The following CDKAL1 variants were observed in gnomAD, a reference collection of about 807,000 sequenced individuals.
CDKAL1 encodes the protein threonylcarbamoyladenosine tRNA methylthiotransferase.
Under a neutral mutation model 68.2 loss-of-function variants are expected in CDKAL1, and 32 were observed. That is an observed-to-expected ratio of 0.47 (90% CI 0.35 to 0.63). The LOEUF (loss-of-function observed/expected upper bound fraction) is 0.63. Among genes scored for constraint, CDKAL1 ranks in the 30% least tolerant of loss-of-function variants. The pLI, the probability that CDKAL1 is intolerant of heterozygous loss-of-function variation, is 0.00. For missense variants in CDKAL1, 606 were observed against 696.7 expected, an observed-to-expected ratio of 0.87 and a Z score of 1.47; for synonymous variants, 234 against 244.3, an observed-to-expected ratio of 0.96 and a Z score of 0.39.
chr6:20,997,602 A>G (rs1767188992), intron 10 of CDKAL1, among the ~76,000 whole-genome samples: 1 of 152,190 alleles, frequency 6.6e-6, no homozygotes, highest in African/African-American at 2.4e-5. Context: ...TTTAATTTGT[A>G]AATTGGCATA....
At chr6:20,755,549 G>A (rs777429283) in intron 6 of CDKAL1, among the ~76,000 whole-genome samples, 1 of 151,758 alleles carries the variant, frequency 6.6e-6, no homozygotes, top group Non-Finnish European at 1.5e-5. Context: ...CATCTAAAAT[G>A]CATAGTTAAC....
intron 15 of CDKAL1, among the ~76,000 whole-genome samples, chr6:21,208,534 G>A (rs535650871): frequency 1.3e-4 from 20 of 152,240 alleles, no homozygotes; most frequent in African/African-American, 4.3e-4. Flanking sequence ...CGTGCTAGAA[G>A]CAAATGAGGG....
intron 8 of CDKAL1, among the ~76,000 whole-genome samples, chr6:20,808,820 T>C (rs1776678167): frequency 6.6e-6 from 1 of 152,168 alleles, no homozygotes; most frequent in Non-Finnish European, 1.5e-5. Context: ...CTACTGTGTT[T>C]TCTATTTTGA....
intron 4 of CDKAL1, among the ~76,000 whole-genome samples, chr6:20,603,088 C>T (rs1182372736): frequency 1.3e-5 from 2 of 152,142 alleles, no homozygotes; most frequent in Non-Finnish European, 2.9e-5. Flanking sequence ...TTTTCTTCCT[C>T]TTCTACTTTT....
chr6:20,962,018 A>G (rs1315924360), intron 10 of CDKAL1, among the ~76,000 whole-genome samples: 1 of 152,234 alleles, frequency 6.6e-6, no homozygotes, highest in Non-Finnish European at 1.5e-5. Context: ...TCAAAATTGT[A>G]TGAGAATTTT....
intron 5 of CDKAL1, among the ~76,000 whole-genome samples, chr6:20,670,291 A>G (rs965568540): frequency 6.6e-6 from 1 of 152,206 alleles, no homozygotes; most frequent in Non-Finnish European, 1.5e-5. Flanking sequence ...AATTTGTAAT[A>G]CAATTAGATT....
chr6:20,843,798 C>G (rs1224178808), intron 8 of CDKAL1, among the ~76,000 whole-genome samples: 3 of 152,020 alleles, frequency 2.0e-5, no homozygotes, highest in Non-Finnish European at 4.4e-5. Context: ...ATTTATGGAG[C>G]TTTCCATTGG....
chr6:21,034,641 T>A (rs1192566056), intron 11 of CDKAL1, among the ~76,000 whole-genome samples: 2 of 152,154 alleles, frequency 1.3e-5, no homozygotes, highest in African/African-American at 4.8e-5. Flanking sequence ...AAGGAAAACA[T>A]TTTTTCTGTT....
At position 21,005,373 on chromosome 6, in the gene CDKAL1, T is replaced by A. The variant is rs1358330374; in HGVS notation, c.1055+5001T>A. ...TAAAAGAATCTTTAAGTCCTCAAGT[T>A]CACACATTAAAATGTGAAAGAAACA... On this transcript the variant is annotated intron_variant, in intron 11 of 15. Transcript: ENST00000274695. 7.2e-5 allele frequency among the ~76,000 whole-genome samples: 11 copies of A among 152,202 alleles called. 1 individual carries two copies.
intron 15 of CDKAL1, among the ~76,000 whole-genome samples, chr6:21,209,659 C>T (rs927418866): frequency 3.9e-5 from 6 of 152,140 alleles, no homozygotes; most frequent in Non-Finnish European, 8.8e-5. Flanking sequence ...GGATAATTTT[C>T]CCAAATCTAA....
At chr6:21,092,195 A>G (rs1163091582) in intron 12 of CDKAL1, among the ~76,000 whole-genome samples, 1 of 119,920 alleles carries the variant, frequency 8.3e-6, no homozygotes, top group African/African-American at 3.4e-5. Context: ...CAGGCTCAGA[A>G]CTTTCAATCA....
intron 4 of CDKAL1, among the ~76,000 whole-genome samples, chr6:20,554,954 T>C (rs1327775329): frequency 2.6e-5 from 4 of 152,250 alleles, no homozygotes; most frequent in Non-Finnish European, 5.9e-5. Context: ...TGGACATGCT[T>C]ACCTAAGTCA....
intron 5 of CDKAL1, among the ~76,000 whole-genome samples, chr6:20,711,507 G>A (rs1278901744): frequency 6.6e-6 from 1 of 152,194 alleles, no homozygotes; most frequent in Non-Finnish European, 1.5e-5. Flanking sequence ...TAATATGGAT[G>A]CTGGAGTCAA....
intron 4 of CDKAL1, among the ~76,000 whole-genome samples, chr6:20,618,293 T>A (rs956430493): frequency 1.3e-5 from 2 of 152,214 alleles, no homozygotes; most frequent in African/African-American, 4.8e-5. Context: ...GTTTAAATTC[T>A]TTGTATATTC....
At chr6:21,016,667 TCC>T (rs1768357162) in intron 11 of CDKAL1, among the ~76,000 whole-genome samples, 2 of 148,246 alleles carry the variant, frequency 1.3e-5, no homozygotes, top group African/African-American at 5.0e-5. Flanking sequence ...CATCCATCCA[TCC>T]ATCTTACTTC....
At chr6:21,033,244 A>G (rs902410324) in intron 11 of CDKAL1, among the ~76,000 whole-genome samples, 2 of 152,168 alleles carry the variant, frequency 1.3e-5, no homozygotes, top group African/African-American at 4.8e-5. Flanking sequence ...CAATAGGATA[A>G]GGTGATGAGA....
intron 5 of CDKAL1, among the ~76,000 whole-genome samples, chr6:20,650,673 T>G (rs1481796389): frequency 2.0e-5 from 3 of 152,204 alleles, no homozygotes; most frequent in African/African-American, 7.2e-5. Context: ...CTTCTTGGGT[T>G]TTTGAAGTTT....
chr6:20,620,586 T>G (rs1767137825), intron 4 of CDKAL1, among the ~76,000 whole-genome samples: 1 of 152,218 alleles, frequency 6.6e-6, no homozygotes, highest in Non-Finnish European at 1.5e-5. Context: ...AATATAATGC[T>G]CTTTCTTACT....
chr6:20,706,939 T>C (rs903031478), intron 5 of CDKAL1, among the ~76,000 whole-genome samples: 3 of 151,824 alleles, frequency 2.0e-5, no homozygotes, highest in African/African-American at 7.3e-5. Flanking sequence ...CACTGCTTCA[T>C]TGAACAAATA....
Sources: gnomAD v4.1 joint callset for allele counts (sites outside exome capture counted in the v4.1 genomes callset) on GRCh38, gnomAD v4.1.1 for gene constraint, MANE v1.5 for transcripts, NCBI Gene and HGNC (gene_info 2026-07-23, HGNC 2026-07-21) for gene names.